SAG: variants seen among roughly 807,000 people sequenced by gnomAD.
The protein encoded by SAG is S-arrestin.
In SAG, 45 loss-of-function variants were observed where a neutral mutation model predicts 55.0. The observed-to-expected ratio is 0.82, with a 90% CI of 0.64 to 1.05. The LOEUF is 1.05. Ranked by LOEUF, SAG falls within the 50% of genes least tolerant of loss-of-function variation. The pLI is 0.00. For synonymous variants in SAG, 189 were observed against 197.4 expected, an observed-to-expected ratio of 0.96 and a Z score of 0.36; for missense variants, 455 against 512.1, an observed-to-expected ratio of 0.89 and a Z score of 1.08.
intron 11 of SAG, among the ~76,000 whole-genome samples, chr2:233,336,597 A>G (rs1232657577): frequency 6.6e-6 from 1 of 152,100 alleles, no homozygotes; most frequent in African/African-American, 2.4e-5. Context: ...ATTTATATGC[A>G]TTTTATGGGT....
At chr2:233,344,543 A>G (rs905996755) in intron 14 of SAG, 2 of 152,222 alleles carry the variant, frequency 1.3e-5, no homozygotes, top group Non-Finnish European at 2.9e-5. Flanking sequence ...AACAGTGAAC[A>G]TATCACAATG....
At chr2:233,321,578 A>G (rs538944250) in intron 5 of SAG, among the ~76,000 whole-genome samples, 1 of 152,302 alleles carries the variant, frequency 6.6e-6, no homozygotes, top group South Asian at 2.1e-4. Flanking sequence ...AGACAGAGAC[A>G]GAATAGAGCT....
At chr2:233,339,123 G>A (rs907146687) in intron 12 of SAG, among the ~76,000 whole-genome samples, 5 of 152,318 alleles carry the variant, frequency 3.3e-5, no homozygotes, top group African/African-American at 4.8e-5. Context: ...TCATGTTTTT[G>A]CATCTTAGAA....
chr2:233,331,584 A>G, intron 9 of SAG, 56 bp from the exon 10 acceptor site: 2 of 1,124,478 alleles, frequency 1.8e-6, no homozygotes, highest in Non-Finnish European at 2.7e-6. Flanking sequence ...CCGCAGGGAA[A>G]GTGCACGTGT....
chr2:233,318,162 T>G (rs1433784423), intron 3 of SAG, among the ~76,000 whole-genome samples: 1 of 151,524 alleles, frequency 6.6e-6, no homozygotes, highest in Non-Finnish European at 1.5e-5. Context: ...CTTTTTTTCT[T>G]TTTTCTTTTT....
chr2:233,324,745 T>C (rs1437569923), intron 6 of SAG, among the ~76,000 whole-genome samples: 1 of 151,902 alleles, frequency 6.6e-6, no homozygotes, highest in African/African-American at 2.4e-5. Flanking sequence ...AGCCACTGGG[T>C]CTGGGATTCA....
intron 12 of SAG, among the ~76,000 whole-genome samples, chr2:233,339,951 C>T (rs1346627199): frequency 2.2e-5 from 3 of 138,214 alleles, no homozygotes; most frequent in South Asian, 5.3e-4. Flanking sequence ...TGTGAGCCAC[C>T]GTGCCCAGCC....
rs1472308692 is a variant in SAG, at chr2:233,346,518, G to A, written c.1112+106G>A. On this transcript the variant is annotated intron_variant, in intron 15 of 15. Transcript: ENST00000409110. ...CTTTGCACATATCCCAAGCTCTCCT[G>A]CCGGCTCAGGAGGCACATCCGCTAC... The A allele has an allele frequency of 2.4e-5, 31 of 1,267,608 alleles. 1 individual carries two copies. In the South Asian group the frequency reaches 3.6e-4, roughly 15 times the overall value. 78.5% of individuals were successfully genotyped at this position (1,267,608 alleles called of 1,614,324 possible). A position where few individuals can be genotyped will look rare whatever the true frequency, so the allele number is the denominator to read the frequency against.
intron 11 of SAG, among the ~76,000 whole-genome samples, chr2:233,335,603 A>G (rs1700900962): frequency 6.7e-6 from 1 of 148,872 alleles, no homozygotes; most frequent in Non-Finnish European, 1.5e-5. Flanking sequence ...TCATTCGTCC[A>G]TTTCCATCAG....
intron 5 of SAG, among the ~76,000 whole-genome samples, chr2:233,321,373 A>G (rs976834715): frequency 6.6e-6 from 1 of 152,234 alleles, no homozygotes; most frequent in Non-Finnish European, 1.5e-5. Flanking sequence ...CTTTACGAGC[A>G]TGTTTATTTG....
intron 11 of SAG, among the ~76,000 whole-genome samples, chr2:233,337,601 C>T (rs1700976728): frequency 6.6e-6 from 1 of 152,142 alleles, no homozygotes; most frequent in African/African-American, 2.4e-5. Flanking sequence ...CTGGGGAGCA[C>T]TGTGGTCCTG....
At chr2:233,327,563 T>A (rs977310403) in intron 7 of SAG, 2 of 180,212 alleles carry the variant, frequency 1.1e-5, no homozygotes, top group Non-Finnish European at 2.4e-5. Context: ...TTTTATTTTT[T>A]GAAATGGAGC....
At chr2:233,312,193 T>C (rs1700093488) in intron 2 of SAG, among the ~76,000 whole-genome samples, 1 of 152,168 alleles carries the variant, frequency 6.6e-6, no homozygotes, top group Non-Finnish European at 1.5e-5. Flanking sequence ...CCCTCGACCC[T>C]ATATCCTTTC....
At chr2:233,330,767 G>C (rs1700735759) in intron 9 of SAG, among the ~76,000 whole-genome samples, 1 of 152,012 alleles carries the variant, frequency 6.6e-6, no homozygotes, top group African/African-American at 2.4e-5. Context: ...CCTGACCTCA[G>C]GTGATCCATC....
At chr2:233,333,469 C>CCAGCA (rs1437264530) in intron 10 of SAG, 9 of 152,264 alleles carry the variant, frequency 5.9e-5, no homozygotes, top group African/African-American at 2.2e-4. Context: ...AGCCTGGGAG[C>CCAGCA]TGGACTGGAC....
chr2:233,320,338 C>T (rs911632848), intron 4 of SAG, among the ~76,000 whole-genome samples: 2 of 152,168 alleles, frequency 1.3e-5, no homozygotes, highest in South Asian at 2.1e-4. Flanking sequence ...ATGAAGGGGG[C>T]GGGCAGGATG....
intron 10 of SAG, chr2:233,332,663 A>ATT (rs10642996): frequency 0.038 from 5,280 of 137,242 alleles, 369 homozygotes; most frequent in African/African-American, 0.13. Context: ...CTAATTTTGT[A>ATT]TTTTTTTTTT....
chr2:233,338,636 C>T, intron 11 of SAG, 40 bp from the exon 12 acceptor site: 1 of 1,573,262 alleles, frequency 6.4e-7, no homozygotes, highest in Non-Finnish European at 8.7e-7. Flanking sequence ...TCACCCTCCT[C>T]TGCTCTCCAT....
intron 2 of SAG, among the ~76,000 whole-genome samples, chr2:233,310,049 A>T (rs1012389285): frequency 6.6e-6 from 1 of 152,170 alleles, no homozygotes; most frequent in African/African-American, 2.4e-5. Context: ...CCGCAGGGCC[A>T]TTGGATAAGG....
Sources: gnomAD v4.1 joint callset for allele counts (sites outside exome capture counted in the v4.1 genomes callset) on GRCh38, gnomAD v4.1.1 for gene constraint, MANE v1.5 for transcripts, NCBI Gene and HGNC (gene_info 2026-07-23, HGNC 2026-07-21) for gene names.